EYA4: variants seen among roughly 807,000 people sequenced by gnomAD.
The protein encoded by EYA4 is EYA transcriptional coactivator and phosphatase 4.
A neutral mutation model predicts 87.9 loss-of-function variants in EYA4; 31 were observed. The ratio of observed to expected loss-of-function variants is 0.35; its 90% CI spans 0.27 to 0.48. The LOEUF (loss-of-function observed/expected upper bound fraction) is 0.48. Ranked by LOEUF, EYA4 falls within the 20% of genes least tolerant of loss-of-function variation. EYA4 has a pLI of 0.99. For missense variants in EYA4, 678 were observed against 761.4 expected (o/e 0.89, Z 1.29); for synonymous variants, 263 against 270.6 (o/e 0.97, Z 0.28).
At chr6:133,350,140 TTTGATG>T (rs1316706794) in intron 2 of EYA4, among the ~76,000 whole-genome samples, 1 of 152,078 alleles carries the variant, frequency 6.6e-6, no homozygotes, top group African/African-American at 2.4e-5. Flanking sequence ...GGGCCTGATC[TTTGATG>T]TTGACAGTCT....
At chr6:133,408,308 A>G (rs1304304901) in intron 3 of EYA4, among the ~76,000 whole-genome samples, 4 of 152,134 alleles carry the variant, frequency 2.6e-5, no homozygotes, top group Admixed American at 2.6e-4. Flanking sequence ...TTCCATGCAC[A>G]CTTTTGTTAA....
At chr6:133,382,794 CAA>C (rs34082768) in intron 3 of EYA4, among the ~76,000 whole-genome samples, 59 of 130,896 alleles carry the variant, frequency 4.5e-4, no homozygotes, top group South Asian at 1.2e-3. Context: ...TCTGTGTTTA[CAA>C]AAAAAAAAAA....
At chr6:133,499,358 T>C (rs1218321827) in intron 13 of EYA4, among the ~76,000 whole-genome samples, 1 of 152,140 alleles carries the variant, frequency 6.6e-6, no homozygotes, top group Non-Finnish European at 1.5e-5. Context: ...TTCTAGCCCA[T>C]CCTCCCAACA....
chr6:133,481,318 T>TTG lies in EYA4; in HGVS notation c.971-138_971-137dup. 3 of 761,990 alleles carry TTG rather than the reference T, an allele frequency of 3.9e-6. No homozygotes were observed. The Admixed American group carries it at 6.3e-5, about 16-fold the overall frequency. 47.2% of individuals were successfully genotyped at this position (761,990 alleles called of 1,614,324 possible). A position where few individuals can be genotyped will look rare whatever the true frequency, so the allele number is the denominator to read the frequency against. On this transcript the variant is annotated intron_variant, in intron 11 of 19. Coordinates refer to ENST00000355286, the MANE Select transcript of EYA4 (RefSeq NM_004100.5). ...GTAAACTACAAAAGTTCTGACTGAC[T>TTG]TGTGTGTGCTTGGGATTATAAATCT...
chr6:133,438,799 T>A (rs1211006090), intron 3 of EYA4, among the ~76,000 whole-genome samples: 1 of 151,912 alleles, frequency 6.6e-6, no homozygotes, highest in Non-Finnish European at 1.5e-5. Context: ...TCCCAGCACT[T>A]TGGGAGGCCG....
At chr6:133,428,911 CTTTTTTTTTT>C (rs58727159) in intron 3 of EYA4, among the ~76,000 whole-genome samples, 40 of 48,230 alleles carry the variant, frequency 8.3e-4, no homozygotes, top group Admixed American at 1.2e-3. Flanking sequence ...GATTTAGCTT[CTTTTTTTTTT>C]TTTTTTTTTT....
chr6:133,368,081 T>G (rs568253153), intron 2 of EYA4, among the ~76,000 whole-genome samples: 1 of 152,316 alleles, frequency 6.6e-6, no homozygotes, highest in Non-Finnish European at 1.5e-5. Context: ...TCCCACTTGG[T>G]TATAATGGTA....
chr6:133,438,358 T>G (rs1007071966), intron 3 of EYA4, among the ~76,000 whole-genome samples: 3 of 150,510 alleles, frequency 2.0e-5, no homozygotes, highest in Admixed American at 1.3e-4. Flanking sequence ...CGTTCTATGG[T>G]GTGTGCTTCA....
intron 2 of EYA4, among the ~76,000 whole-genome samples, chr6:133,299,955 C>CTATCTATATATA (rs1554220543): frequency 6.6e-4 from 70 of 106,230 alleles, no homozygotes; most frequent in African/African-American, 2.2e-3. Flanking sequence ...ATCTATCTAT[C>CTATCTATATATA]TATATATATA....
chr6:133,358,446 C>T (rs144832861), intron 2 of EYA4, among the ~76,000 whole-genome samples: 1 of 152,126 alleles, frequency 6.6e-6, no homozygotes, highest in African/African-American at 2.4e-5. Context: ...GGAAATGCAT[C>T]TATAAAGTCA....
intron 3 of EYA4, among the ~76,000 whole-genome samples, chr6:133,438,833 G>A (rs1370362230): frequency 6.6e-6 from 1 of 151,942 alleles, no homozygotes; most frequent in East Asian, 1.9e-4. Flanking sequence ...ACAAGGTCAG[G>A]AGATCGAGAT....
chr6:133,442,887 T>A (rs949010975), intron 3 of EYA4, among the ~76,000 whole-genome samples: 1 of 152,124 alleles, frequency 6.6e-6, no homozygotes, highest in African/African-American at 2.4e-5. Flanking sequence ...TGTCAAATTT[T>A]TTTTGCACTC....
At chr6:133,421,031 G>A (rs1374558684) in intron 3 of EYA4, among the ~76,000 whole-genome samples, 2 of 152,200 alleles carry the variant, frequency 1.3e-5, no homozygotes, top group Non-Finnish European at 2.9e-5. Flanking sequence ...AAAGGAGATG[G>A]ATAGACACCT....
At position 133,264,992 on chromosome 6, in the gene EYA4, T is replaced by G. The variant is rs78605016; in HGVS notation, c.-65-9724T>G. Reference sequence around the variant, plus strand: ...TTCTCAAACCTCCTTCAGCATCTCATTCCTTAAGGGACCTTACAGTCTCTC... The same window carrying G: ...TTCTCAAACCTCCTTCAGCATCTCAGTCCTTAAGGGACCTTACAGTCTCTC... On this transcript the variant is annotated intron_variant, in intron 1 of 19. Transcript: ENST00000355286. 1.8e-3 allele frequency among the ~76,000 whole-genome samples: 277 copies of G among 152,218 alleles called. 2 individuals are homozygous for G. Among genetic ancestry groups the G allele is most frequent in the African/African-American group, 6.5e-3 (272 of 41,542 alleles).
intron 3 of EYA4, among the ~76,000 whole-genome samples, chr6:133,405,147 T>G (rs1280181088): frequency 6.6e-6 from 1 of 152,134 alleles, no homozygotes; most frequent in Non-Finnish European, 1.5e-5. Flanking sequence ...CTCAACACAC[T>G]GTGCTAGAAT....
At chr6:133,369,923 A>C (rs1164835553) in intron 2 of EYA4, among the ~76,000 whole-genome samples, 1 of 84,946 alleles carries the variant, frequency 1.2e-5, no homozygotes, top group Non-Finnish European at 3.0e-5. Context: ...ACTGAAAGAC[A>C]GGAGCTGCTG....
rs555728674 is a variant in EYA4 at position 133,468,584 on chromosome 6, G to A, written c.823G>A (p.Ala275Thr). The A allele has an allele frequency of 6.2e-7, 1 of 1,611,820 alleles. No individual in the cohort carries two copies. Among genetic ancestry groups the A allele is most frequent in the East Asian group, 2.2e-5 (1 of 44,838 alleles). The change falls in exon 11 of 20, where the codon GCC (alanine) becomes ACC (threonine). Residue 275 changes from alanine (A) to threonine (T), a missense_variant. Coordinates refer to ENST00000355286, the MANE Select transcript of EYA4 (RefSeq NM_004100.5). ...GSQQDYPSYT[A>T]FGQNQYAQYY... ...GTTTCAGGATTATCCATCCTATACA[G>A]CCTTTGGCCAAAACCAGTATGCACA...
chr6:133,402,219 A>C (rs944889649), intron 3 of EYA4, among the ~76,000 whole-genome samples: 7 of 152,050 alleles, frequency 4.6e-5, no homozygotes, highest in African/African-American at 1.7e-4. Flanking sequence ...GAATTGTAAA[A>C]TTAACACGTA....
At chr6:133,440,950 T>G (rs1178943969) in intron 3 of EYA4, among the ~76,000 whole-genome samples, 1 of 152,208 alleles carries the variant, frequency 6.6e-6, no homozygotes, top group Non-Finnish European at 1.5e-5. Context: ...TAATAAAGCA[T>G]TCTGTTATTT....
Sources: gnomAD v4.1 joint callset for allele counts (sites outside exome capture counted in the v4.1 genomes callset) on GRCh38, gnomAD v4.1.1 for gene constraint, MANE v1.5 for transcripts, NCBI Gene and HGNC (gene_info 2026-07-23, HGNC 2026-07-21) for gene names.